The following CERS6 variants were observed in gnomAD, a reference collection of about 807,000 sequenced individuals.
CERS6 encodes LAG1 homolog, ceramide synthase 6.
Under a neutral mutation model 56.8 loss-of-function variants are expected in CERS6, and 26 were observed. The observed-to-expected ratio is 0.46, with a 90% CI of 0.34 to 0.63. CERS6 has a LOEUF of 0.63. CERS6 is among the 30% of genes least tolerant of loss of function. The probability of loss-of-function intolerance (pLI) is 0.01; values close to 1 mark genes in which losing one functional copy is unlikely to be tolerated. For synonymous variants in CERS6, 164 were observed against 173.3 expected, an observed-to-expected ratio of 0.95 and a Z score of 0.42; for missense variants, 415 against 467.5, an observed-to-expected ratio of 0.89 and a Z score of 1.04.
chr2:168,562,166 C>G (rs1488662714), intron 3 of CERS6, among the ~76,000 whole-genome samples: 1 of 152,162 alleles, frequency 6.6e-6, no homozygotes, highest in East Asian at 1.9e-4. Flanking sequence ...CGGTGTAACT[C>G]TCTTAGTTGC....
chr2:168,762,041 A>G (rs1421531323), intron 8 of CERS6, among the ~76,000 whole-genome samples: 4 of 152,116 alleles, frequency 2.6e-5, no homozygotes, highest in Admixed American at 1.3e-4. Context: ...GCATTAGGAC[A>G]AATACCTAGT....
chr2:168,474,443 C>CA (rs1305635152), intron 1 of CERS6, among the ~76,000 whole-genome samples: 4 of 152,206 alleles, frequency 2.6e-5, no homozygotes, highest in Admixed American at 1.3e-4. Flanking sequence ...TACCAATTGA[C>CA]ATCCCTACCA....
intron 1 of CERS6, among the ~76,000 whole-genome samples, chr2:168,522,309 C>G (rs1437222364): frequency 6.6e-6 from 1 of 152,102 alleles, no homozygotes; most frequent in Non-Finnish European, 1.5e-5. Flanking sequence ...CTGATATAGC[C>G]CAGTTACTTC....
Position 168,763,287 on chromosome 2 carries a change from G to A in CERS6, c.846-2305G>A, listed in dbSNP as rs554056428. Among the ~76,000 whole-genome samples, 17 of 131,762 alleles carry A rather than the reference G, an allele frequency of 1.3e-4. No homozygotes were observed. The South Asian group carries it at 4.2e-3, about 32-fold the overall frequency. 86.4% of individuals were successfully genotyped at this position (131,762 alleles called of 152,430 possible). On this transcript the variant is annotated intron_variant, in intron 8 of 9. Coordinates refer to ENST00000305747, the MANE Select transcript of CERS6 (RefSeq NM_203463.3). Reference sequence around the variant, plus strand: ...GACAGAGTCTCACTGTATCACCCCAGCTGGAGTGTAGTGGTACGATCTTGG... The same window carrying A: ...GACAGAGTCTCACTGTATCACCCCAACTGGAGTGTAGTGGTACGATCTTGG...
At chr2:168,499,271 C>T (rs565954036) in intron 1 of CERS6, among the ~76,000 whole-genome samples, 4 of 152,202 alleles carry the variant, frequency 2.6e-5, no homozygotes, top group African/African-American at 4.8e-5. Flanking sequence ...ATATAAGAGC[C>T]GAAACCAAAG....
chr2:168,734,655 G>T (rs1046771297), intron 8 of CERS6, among the ~76,000 whole-genome samples: 3 of 152,158 alleles, frequency 2.0e-5, no homozygotes, highest in Non-Finnish European at 2.9e-5. Flanking sequence ...ACATGGCTTT[G>T]TTTTCTTACA....
intron 4 of CERS6, among the ~76,000 whole-genome samples, chr2:168,650,021 G>A (rs115862092): frequency 0.03 from 4,531 of 152,084 alleles, 231 homozygotes; most frequent in African/African-American, 0.1. Flanking sequence ...TGAGAATTGA[G>A]ACAAATTTAA....
chr2:168,603,001 T>C (rs1305541884), intron 3 of CERS6, among the ~76,000 whole-genome samples: 1 of 152,222 alleles, frequency 6.6e-6, no homozygotes. Context: ...TGCCTCTACA[T>C]AGCTCAATTA....
chr2:168,636,809 T>G (rs989215648), intron 4 of CERS6, among the ~76,000 whole-genome samples: 1 of 152,164 alleles, frequency 6.6e-6, no homozygotes, highest in African/African-American at 2.4e-5. Flanking sequence ...CCTTCTGTGT[T>G]GGCTTGTGGC....
intron 3 of CERS6, among the ~76,000 whole-genome samples, chr2:168,612,506 A>C (rs1185047606): frequency 3.3e-5 from 5 of 152,236 alleles, no homozygotes; most frequent in Non-Finnish European, 7.3e-5. Flanking sequence ...TGTTTTGTTT[A>C]ATTCACATAT....
At chr2:168,703,800 C>T (rs1686864533) in intron 6 of CERS6, among the ~76,000 whole-genome samples, 1 of 152,252 alleles carries the variant, frequency 6.6e-6, no homozygotes, top group African/African-American at 2.4e-5. Context: ...TGCAACTTCT[C>T]ATGATTGGAA....
intron 3 of CERS6, among the ~76,000 whole-genome samples, chr2:168,586,880 G>A (rs1007150690): frequency 6.6e-6 from 1 of 152,158 alleles, no homozygotes; most frequent in Non-Finnish European, 1.5e-5. Context: ...CTTAATAAAT[G>A]TTTATTGAGG....
At chr2:168,710,297 C>G (rs1687058733) in intron 6 of CERS6, among the ~76,000 whole-genome samples, 1 of 152,118 alleles carries the variant, frequency 6.6e-6, no homozygotes, top group African/African-American at 2.4e-5. Flanking sequence ...TATATTTATT[C>G]ATTTTAAAAT....
chr2:168,730,049 C>T (rs548176785), intron 8 of CERS6, among the ~76,000 whole-genome samples: 1 of 152,174 alleles, frequency 6.6e-6, no homozygotes, highest in Admixed American at 6.5e-5. Context: ...GGCACAATGA[C>T]GACTGAGACT....
intron 6 of CERS6, among the ~76,000 whole-genome samples, chr2:168,698,205 C>T (rs566338514): frequency 1.0e-3 from 121 of 120,652 alleles, no homozygotes; most frequent in Admixed American, 1.3e-3. Flanking sequence ...GCACTCCAGC[C>T]GGGGTGATAG....
intron 4 of CERS6, among the ~76,000 whole-genome samples, chr2:168,634,351 A>G (rs1684815524): frequency 6.6e-6 from 1 of 152,014 alleles, no homozygotes. Flanking sequence ...AAATTAACAC[A>G]TTTTCCTAGG....
intron 4 of CERS6, among the ~76,000 whole-genome samples, chr2:168,671,712 T>C (rs1166763779): frequency 6.6e-6 from 1 of 152,214 alleles, no homozygotes; most frequent in Non-Finnish European, 1.5e-5. Flanking sequence ...TTGCAACTCA[T>C]GATATATGAA....
rs527813174 is a variant in CERS6 at position 168,561,178 on chromosome 2, A to G, written c.277-14A>G. ...ATGGATTGAAAATTATTTTTCTGGT[A>G]CCTTGTTTCATAGCATCCTGATGAA... On this transcript the variant is annotated splice_polypyrimidine_tract_variant and intron_variant, in intron 2 of 9. Transcript: ENST00000305747. 11 of 1,613,370 alleles carry G rather than the reference A, an allele frequency of 6.8e-6. No homozygotes were observed. The Middle Eastern group carries it at 5.0e-4, about 73-fold the overall frequency.
chr2:168,639,802 A>G (rs554996603), intron 4 of CERS6, among the ~76,000 whole-genome samples: 2 of 152,208 alleles, frequency 1.3e-5, no homozygotes, highest in South Asian at 2.1e-4. Context: ...TTCAGGGAGT[A>G]TCTGGTACTG....
Sources: gnomAD v4.1 joint callset for allele counts (sites outside exome capture counted in the v4.1 genomes callset) on GRCh38, gnomAD v4.1.1 for gene constraint, MANE v1.5 for transcripts, NCBI Gene and HGNC (gene_info 2026-07-23, HGNC 2026-07-21) for gene names.